Variants in SCRG1 observed in about 807,000 individuals in gnomAD.
The protein encoded by SCRG1 is stimulator of chondrogenesis 1.
A neutral mutation model predicts 7.7 loss-of-function variants in SCRG1; 3 were observed. That is an observed-to-expected ratio of 0.39 (90% confidence interval 0.18 to 1.01). SCRG1 has a LOEUF of 1.01. Among genes scored for constraint, SCRG1 ranks in the 50% least tolerant of loss-of-function variants. SCRG1 has a pLI of 0.36. For missense variants in SCRG1, 110 were observed against 117.2 expected, an observed-to-expected ratio of 0.94 and a Z score of 0.28; for synonymous variants, 46 against 41.2, an observed-to-expected ratio of 1.12 and a Z score of -0.44.
At chr4:173,490,174 A>C in the SCRG1 span, among the ~76,000 whole-genome samples, 5 of 152,324 alleles carry the variant, frequency 3.3e-5, no homozygotes, top group Admixed American at 2.6e-4. Flanking sequence ...GCTCATTTGC[A>C]AGGATTTAGT....
chr4:173,502,197 G>A, the SCRG1 span, among the ~76,000 whole-genome samples: 14 of 137,718 alleles, frequency 1.0e-4, no homozygotes, highest in African/African-American at 3.7e-4. The surrounding 1 kb of genome is among the most constrained non-coding windows in gnomAD (Gnocchi z 4.6). Flanking sequence ...AAGAGATTTG[G>A]AATTCCCTTT....
At chr4:173,449,897 T>C in the SCRG1 span, among the ~76,000 whole-genome samples, 1 of 152,236 alleles carries the variant, frequency 6.6e-6, no homozygotes, top group African/African-American at 2.4e-5. Flanking sequence ...AGCTGAGATA[T>C]GCCTCTCCTG....
At chr4:173,428,445 G>A in the SCRG1 span, among the ~76,000 whole-genome samples, 1 of 152,196 alleles carries the variant, frequency 6.6e-6, no homozygotes, top group African/African-American at 2.4e-5. Context: ...CACTGTTAAT[G>A]TAACCAGAAA....
At chr4:173,416,911 AACACACACAC>A in the SCRG1 span, among the ~76,000 whole-genome samples, 5,185 of 125,196 alleles carry the variant, frequency 0.041, 209 homozygotes, top group African/African-American at 0.058. Flanking sequence ...CACACACCCA[AACACACACAC>A]ACACACACAC....
upstream of SCRG1, chr4:173,399,443 G>A (rs1739695264): frequency 1.1e-5 from 1 of 93,940 alleles, no homozygotes; most frequent in African/African-American, 3.8e-5. Context: ...AAAGAACACA[G>A]AGTGATTTTT....
At chr4:173,467,964 C>G in the SCRG1 span, 1 of 152,528 alleles carries the variant, frequency 6.6e-6, no homozygotes, top group Non-Finnish European at 1.5e-5. Flanking sequence ...AAAATAATGT[C>G]TAGGTGTTAA....
chr4:173,420,419 A>T, the SCRG1 span, among the ~76,000 whole-genome samples: 3 of 152,216 alleles, frequency 2.0e-5, no homozygotes, highest in African/African-American at 7.2e-5. Flanking sequence ...AGGTGCTGAG[A>T]AATATATTTT....
At chr4:173,426,463 T>C in the SCRG1 span, among the ~76,000 whole-genome samples, 2 of 152,178 alleles carry the variant, frequency 1.3e-5, no homozygotes, top group South Asian at 4.1e-4. Context: ...AGTCAGCCAG[T>C]CCTATTTATT....
the SCRG1 span, among the ~76,000 whole-genome samples, chr4:173,437,883 C>G: frequency 6.6e-6 from 1 of 152,142 alleles, no homozygotes; most frequent in Non-Finnish European, 1.5e-5. Context: ...CCAAGATGCA[C>G]AAAGAGAGAA....
chr4:173,437,290 G>A, the SCRG1 span, among the ~76,000 whole-genome samples: 1 of 152,028 alleles, frequency 6.6e-6, no homozygotes, highest in Non-Finnish European at 1.5e-5. Context: ...GCACAGAGTA[G>A]GTCAAAACAA....
At chr4:173,494,797 G>A in the SCRG1 span, among the ~76,000 whole-genome samples, 1 of 152,220 alleles carries the variant, frequency 6.6e-6, no homozygotes, top group Non-Finnish European at 1.5e-5. Context: ...TAGACTAGTG[G>A]ATTCCACATT....
chr4:173,499,028 G>A, the SCRG1 span, among the ~76,000 whole-genome samples: 1 of 152,156 alleles, frequency 6.6e-6, no homozygotes, highest in Non-Finnish European at 1.5e-5. The surrounding 1 kb of genome is among the most constrained non-coding windows in gnomAD (Gnocchi z 4.1). Context: ...CTTAGAAAAG[G>A]CCGCGGGTTC....
chr4:173,413,435 A>G, the SCRG1 span, among the ~76,000 whole-genome samples: 1 of 152,256 alleles, frequency 6.6e-6, no homozygotes, highest in Admixed American at 6.5e-5. Context: ...TACAGGAGGC[A>G]TCTTCCAGCC....
the SCRG1 span, among the ~76,000 whole-genome samples, chr4:173,517,090 C>A: frequency 1.3e-5 from 2 of 152,200 alleles, no homozygotes; most frequent in African/African-American, 2.4e-5. Flanking sequence ...TCCCGGCGCC[C>A]AGGCCGCCAC....
At chr4:173,436,810 G>A in the SCRG1 span, among the ~76,000 whole-genome samples, 4 of 152,094 alleles carry the variant, frequency 2.6e-5, no homozygotes, top group Non-Finnish European at 5.9e-5. Flanking sequence ...CGCAGGCTTC[G>A]TGTAGACACT....
the SCRG1 span, among the ~76,000 whole-genome samples, chr4:173,418,559 G>A: frequency 1.2e-4 from 18 of 152,302 alleles, no homozygotes; most frequent in African/African-American, 3.9e-4. Context: ...TGACCAGTAC[G>A]GAGTTTGAAC....
the SCRG1 span, among the ~76,000 whole-genome samples, chr4:173,415,454 T>G: frequency 6.6e-6 from 1 of 152,210 alleles, no homozygotes; most frequent in African/African-American, 2.4e-5. Context: ...TCATGACAGC[T>G]CAGCATTTCT....
chr4:173,483,221 T>TATATTATATATAATATATGATATATG, the SCRG1 span, among the ~76,000 whole-genome samples: 1 of 61,050 alleles, frequency 1.6e-5, no homozygotes. Flanking sequence ...TCATATAATA[T>TATATTATATATAATATATGATATATG]ATATATTATA....
intron 2 of SCRG1, 69 bp downstream of exon 2, chr4:173,391,104 T>C (rs1739423447): frequency 2.6e-6 from 4 of 1,542,646 alleles, no homozygotes; most frequent in South Asian, 1.1e-5. Context: ...AAACCTATTA[T>C]GAAGATGTAG....
Sources: gnomAD v4.1 joint callset for allele counts (sites outside exome capture counted in the v4.1 genomes callset) on GRCh38, gnomAD v4.1.1 for gene constraint, Gnocchi (gnomAD v3.1) non-coding constraint, MANE v1.5 for transcripts, NCBI Gene and HGNC (gene_info 2026-07-23, HGNC 2026-07-21) for gene names.